The following IQSEC1 variants were observed in gnomAD, a reference collection of about 807,000 sequenced individuals.
IQSEC1 encodes IQ motif and Sec7 domain ArfGEF 1, also known as IQ motif and SEC7 domain-containing protein 1.
In IQSEC1, 31 loss-of-function variants were observed where a neutral mutation model predicts 91.0. The observed-to-expected ratio is 0.34, with a 90% CI of 0.26 to 0.46. The LOEUF is 0.46. Ranked by LOEUF, IQSEC1 falls within the 20% of genes least tolerant of loss-of-function variation. The pLI, the probability that IQSEC1 is intolerant of heterozygous loss-of-function variation, is 1.00. For missense variants in IQSEC1, 1,388 were observed against 1,575.6 expected (o/e 0.88, Z 2.02); for synonymous variants, 699 against 662.6 (o/e 1.05, Z -0.84).
At chr3:13,181,454 C>T (rs918148884) in intron 1 of IQSEC1, among the ~76,000 whole-genome samples, 9 of 152,238 alleles carry the variant, frequency 5.9e-5, no homozygotes, top group African/African-American at 1.4e-4. Context: ...GACCTACAGA[C>T]ATATACAGAA....
rs1693943090 is a variant in IQSEC1 at position 12,899,087 on chromosome 3, G to A, written c.*1896C>T. 2.1e-4 allele frequency: 95 copies of A among 457,204 alleles called. No homozygotes were observed. In the South Asian group the frequency reaches 2.8e-3, roughly 13 times the overall value. The allele number at this position is 457,204 out of a possible 1,614,324, so 28.3% of individuals were successfully genotyped here. ...GGCTAAACTCTAGATTGCTGTATTT[G>A]CTCTCTCTGGAGATTAACAAAGTGC... On this transcript the variant is annotated 3_prime_UTR_variant, in exon 14 of 14. Transcript: ENST00000613206.
At chr3:12,973,583 A>G (rs1295805900) in intron 1 of IQSEC1, among the ~76,000 whole-genome samples, 1 of 152,114 alleles carries the variant, frequency 6.6e-6, no homozygotes. Flanking sequence ...CATCCCAACT[A>G]CAATGGTACT....
intron 2 of IQSEC1, among the ~76,000 whole-genome samples, chr3:13,157,639 C>T (rs1253132607): frequency 6.6e-6 from 1 of 152,166 alleles, no homozygotes; most frequent in Non-Finnish European, 1.5e-5. Context: ...CAATCATAAA[C>T]CCAGGGGAGC....
intron 10 of IQSEC1, among the ~76,000 whole-genome samples, chr3:12,910,780 C>T (rs933493602): frequency 2.0e-5 from 3 of 152,218 alleles, no homozygotes; most frequent in African/African-American, 4.8e-5. Context: ...TGTTCTAATC[C>T]GCAGATGGAA....
chr3:13,016,363 G>A (rs1490633596), intron 1 of IQSEC1, among the ~76,000 whole-genome samples: 1 of 152,196 alleles, frequency 6.6e-6, no homozygotes, highest in South Asian at 2.1e-4. Context: ...GTGGCCGGCC[G>A]CCACATCTCA....
chr3:13,134,582 G>A (rs528748254), intron 2 of IQSEC1, among the ~76,000 whole-genome samples: 6 of 152,328 alleles, frequency 3.9e-5, no homozygotes, highest in South Asian at 2.1e-4. Context: ...GGCCTTTGGC[G>A]TAACTGCTTT....
chr3:12,961,688 C>A (rs762727636), intron 1 of IQSEC1, among the ~76,000 whole-genome samples: 1 of 152,200 alleles, frequency 6.6e-6, no homozygotes, highest in African/African-American at 2.4e-5. Context: ...ACAAGTAATA[C>A]GGTCCAGTTC....
At chr3:12,944,126 G>A (rs763640357) in intron 1 of IQSEC1, among the ~76,000 whole-genome samples, 81 of 152,246 alleles carry the variant, frequency 5.3e-4, no homozygotes, top group Middle Eastern at 6.8e-3. Context: ...ACGGTGGGCT[G>A]GACTCAATGC....
Position 12,899,278 on chromosome 3 carries a change from T to G in IQSEC1, c.*1705A>C. 1 of 1,215,266 alleles carries G rather than the reference T, an allele frequency of 8.2e-7. No individual in the cohort carries two copies. Among genetic ancestry groups the G allele is most frequent in the Non-Finnish European group, 1.2e-6 (1 of 851,156 alleles). The allele number at this position is 1,215,266 out of a possible 1,614,324, so 75.3% of individuals were successfully genotyped here. A position where few individuals can be genotyped will look rare whatever the true frequency, so the allele number is the denominator to read the frequency against. ...GCCGTCCGGCCACGGCTCACCACGC[T>G]GTCCACTGGGAACGCGGCCCCGCGG... On this transcript the variant is annotated 3_prime_UTR_variant, in exon 14 of 14. Transcript: ENST00000613206.
chr3:13,141,105 G>A lies in IQSEC1; in HGVS notation c.302+22999C>T, dbSNP rs550534772. Among the ~76,000 whole-genome samples the A allele has an allele frequency of 5.3e-5, 8 of 152,328 alleles. No individual in the cohort carries two copies. The East Asian group carries it at 1.2e-3, about 22-fold the overall frequency. On this transcript the variant is annotated intron_variant, in intron 2 of 15. Coordinates refer to the IQSEC1 transcript ENST00000648114. ...TATTTCCTACGAGCACGGAAAATCC[G>A]CTGACTATGTTTTCCATGCCTTACC...
rs952934718 is a variant in IQSEC1, at chr3:13,145,086, TG to T, written c.302+19017del. ...ATGAGCTGCTTCCACCTGTGAAGGGTGGGGGGGCTGGCATGAGCCCCCCCAT... is the reference window on the plus strand; with the variant it reads ...ATGAGCTGCTTCCACCTGTGAAGGGTGGGGGGCTGGCATGAGCCCCCCCAT... On this transcript the variant is annotated intron_variant, in intron 2 of 15. Coordinates refer to the IQSEC1 transcript ENST00000648114. Among the ~76,000 whole-genome samples the T allele has an allele frequency of 3.9e-5, 6 of 151,954 alleles. No individual in the cohort carries two copies. The East Asian group carries it at 5.8e-4, about 15-fold the overall frequency.
chr3:13,250,825 T>A (rs1451454113), intron 1 of IQSEC1, among the ~76,000 whole-genome samples: 1 of 151,574 alleles, frequency 6.6e-6, no homozygotes, highest in Non-Finnish European at 1.5e-5. Flanking sequence ...CTGCCACCCC[T>A]CTGGTCCCGC....
chr3:13,163,689 G>T (rs1218492502), intron 2 of IQSEC1, among the ~76,000 whole-genome samples: 2 of 152,150 alleles, frequency 1.3e-5, no homozygotes, highest in Non-Finnish European at 2.9e-5. Context: ...TTAGAGGCTG[G>T]TTAGAGCCGG....
intron 1 of IQSEC1, among the ~76,000 whole-genome samples, chr3:13,067,297 G>T (rs1705268186): frequency 6.6e-6 from 1 of 152,188 alleles, no homozygotes; most frequent in African/African-American, 2.4e-5. Context: ...GTAGGCTTTT[G>T]GGGGAAAGCA....
At chr3:12,939,408 G>A (rs1559649878) in intron 2 of IQSEC1, among the ~76,000 whole-genome samples, 2 of 152,240 alleles carry the variant, frequency 1.3e-5, no homozygotes, top group Non-Finnish European at 1.5e-5. Context: ...GGGACAGAAA[G>A]CCACTGGAGG....
intron 2 of IQSEC1, among the ~76,000 whole-genome samples, chr3:13,100,114 G>T (rs1201035140): frequency 6.8e-6 from 1 of 148,060 alleles, no homozygotes; most frequent in East Asian, 1.9e-4. Context: ...GGCGAGGGCT[G>T]CGGGAGCCAT....
chr3:12,991,383 T>A (rs946147029), intron 1 of IQSEC1, among the ~76,000 whole-genome samples: 3 of 152,318 alleles, frequency 2.0e-5, no homozygotes, highest in Non-Finnish European at 4.4e-5. Context: ...CAGGTTTGCA[T>A]CTCACTGCAT....
rs183592634 is a variant in IQSEC1 at position 12,905,094 on chromosome 3, C to T, written c.2756-2272G>A. On this transcript the variant is annotated intron_variant, in intron 12 of 13. Coordinates refer to ENST00000613206, the MANE Select transcript of IQSEC1 (RefSeq NM_001134382.3). ...ACAACCATAACTGCCCACAGCCAGC[C>T]GTGCAGATATCCCATGCGTACGCAG... 6.6e-5 allele frequency among the ~76,000 whole-genome samples: 10 copies of T among 152,348 alleles called. No homozygotes were observed. In the East Asian group the frequency reaches 7.7e-4, roughly 12 times the overall value.
intron 1 of IQSEC1, among the ~76,000 whole-genome samples, chr3:13,205,166 G>T (rs747587817): frequency 1.3e-5 from 2 of 152,014 alleles, no homozygotes; most frequent in Non-Finnish European, 2.9e-5. Flanking sequence ...CTGCTACAGC[G>T]AACTGCCCAG....
Sources: gnomAD v4.1 joint callset for allele counts (sites outside exome capture counted in the v4.1 genomes callset) on GRCh38, gnomAD v4.1.1 for gene constraint, MANE v1.5 for transcripts, NCBI Gene and HGNC (gene_info 2026-07-23, HGNC 2026-07-21) for gene names.